The following PCDH15 variants were observed in gnomAD, a reference collection of about 807,000 sequenced individuals.
PCDH15 encodes the protein protocadherin-15.
PCDH15 carries 129 observed loss-of-function variants against 178.5 expected under a neutral mutation model. The observed-to-expected ratio is 0.72, with a 90% CI of 0.63 to 0.84. The LOEUF is 0.84. Among genes scored for constraint, PCDH15 ranks in the 40% least tolerant of loss-of-function variants. The probability of loss-of-function intolerance (pLI) is 0.00; values close to 1 mark genes in which losing one functional copy is unlikely to be tolerated. For synonymous variants in PCDH15, 800 were observed against 732.0 expected, an observed-to-expected ratio of 1.09 and a Z score of -1.50; for missense variants, 2,230 against 2,099.9, an observed-to-expected ratio of 1.06 and a Z score of -1.21.
At chr10:54,428,086 G>T (rs1352039864) in intron 3 of PCDH15, among the ~76,000 whole-genome samples, 1 of 152,194 alleles carries the variant, frequency 6.6e-6, no homozygotes, top group Non-Finnish European at 1.5e-5. Context: ...TCATCATCCA[G>T]ATCCCATCTT....
chr10:54,030,703 T>C (rs958446571), intron 18 of PCDH15, among the ~76,000 whole-genome samples: 1 of 152,050 alleles, frequency 6.6e-6, no homozygotes, highest in Non-Finnish European at 1.5e-5. Context: ...CTACATTTTA[T>C]CCTAGCATTC....
At chr10:54,532,088 C>G (rs1261930271) in intron 2 of PCDH15, among the ~76,000 whole-genome samples, 1 of 152,174 alleles carries the variant, frequency 6.6e-6, no homozygotes, top group African/African-American at 2.4e-5. Flanking sequence ...AATCTTGTCT[C>G]TTACCTAATC....
chr10:53,840,295 G>T (rs758974446), intron 29 of PCDH15, 25 bp downstream of exon 29: 1 of 1,609,028 alleles, frequency 6.2e-7, no homozygotes. Flanking sequence ...CCAAAGAGCT[G>T]TTACAGATAA....
At chr10:55,504,339 T>A (rs1368888882) in intron 2 of PCDH15, among the ~76,000 whole-genome samples, 1 of 151,422 alleles carries the variant, frequency 6.6e-6, no homozygotes, top group Non-Finnish European at 1.5e-5. Context: ...AAAAATAAAG[T>A]TAATTATTTG....
intron 1 of PCDH15, among the ~76,000 whole-genome samples, chr10:54,697,461 AT>A (rs2135893156): frequency 6.6e-6 from 1 of 151,130 alleles, no homozygotes; most frequent in East Asian, 1.9e-4. Context: ...TGTTAGACTT[AT>A]ATTTTGTTTT....
At chr10:54,729,278 C>T (rs1943008734) in intron 1 of PCDH15, among the ~76,000 whole-genome samples, 1 of 151,450 alleles carries the variant, frequency 6.6e-6, no homozygotes, top group Non-Finnish European at 1.5e-5. Flanking sequence ...CATTTATAAC[C>T]ATCTAATCTG....
intron 8 of PCDH15, among the ~76,000 whole-genome samples, chr10:54,274,000 T>C (rs1447385365): frequency 6.6e-6 from 1 of 151,976 alleles, no homozygotes; most frequent in East Asian, 1.9e-4. Context: ...GTGGATGTAG[T>C]TGGAGGCCAT....
chr10:55,291,300 T>C (rs749920129), intron 1 of PCDH15, among the ~76,000 whole-genome samples: 29 of 152,302 alleles, frequency 1.9e-4, no homozygotes, highest in Admixed American at 7.9e-4. Context: ...AAACATTTCA[T>C]CTCTGGTTTC....
intron 1 of PCDH15, among the ~76,000 whole-genome samples, chr10:54,671,014 T>A (rs918849591): frequency 6.6e-6 from 1 of 152,130 alleles, no homozygotes; most frequent in Admixed American, 6.5e-5. Flanking sequence ...CTCAGTCTTT[T>A]AGATAAATAC....
chr10:55,368,679 C>T (rs1467825357), intron 2 of PCDH15, among the ~76,000 whole-genome samples: 1 of 152,104 alleles, frequency 6.6e-6, no homozygotes, highest in Non-Finnish European at 1.5e-5. Context: ...CATATCTACA[C>T]AGTAAGACTT....
At chr10:54,218,817 G>A (rs1278562338) in intron 9 of PCDH15, among the ~76,000 whole-genome samples, 1 of 152,040 alleles carries the variant, frequency 6.6e-6, no homozygotes, top group African/African-American at 2.4e-5. Context: ...GGAAACATGG[G>A]ACAGAGTAAC....
At chr10:54,737,729 C>G (rs941753889) in intron 1 of PCDH15, among the ~76,000 whole-genome samples, 2 of 151,854 alleles carry the variant, frequency 1.3e-5, no homozygotes, top group Admixed American at 6.6e-5. Flanking sequence ...GAATCTATGG[C>G]AAATAAATAA....
chr10:54,861,862 T>C (rs552943156), intron 3 of PCDH15, among the ~76,000 whole-genome samples: 2 of 152,300 alleles, frequency 1.3e-5, no homozygotes, highest in African/African-American at 4.8e-5. Context: ...CAAATACTCT[T>C]TGTAGTTGCT....
At chr10:54,411,819 T>C (rs981819505) in intron 3 of PCDH15, among the ~76,000 whole-genome samples, 1 of 152,156 alleles carries the variant, frequency 6.6e-6, no homozygotes, top group Non-Finnish European at 1.5e-5. Flanking sequence ...ATACAACTTG[T>C]CAGAGAGACT....
intron 2 of PCDH15, among the ~76,000 whole-genome samples, chr10:55,336,957 A>C (rs2090226085): frequency 6.6e-6 from 1 of 152,124 alleles, no homozygotes. Flanking sequence ...TAGCAGCACC[A>C]TTGGCCTCTA....
intron 2 of PCDH15, among the ~76,000 whole-genome samples, chr10:54,987,230 G>T (rs1026462624): frequency 3.9e-5 from 6 of 152,168 alleles, no homozygotes. Context: ...ATTCCATGGG[G>T]TGTATGTGCC....
At chr10:54,524,118 T>G (rs1295619755) in intron 3 of PCDH15, among the ~76,000 whole-genome samples, 3 of 152,202 alleles carry the variant, frequency 2.0e-5, no homozygotes, top group Non-Finnish European at 4.4e-5. Flanking sequence ...TTTTAAAAAA[T>G]TATACAATCT....
intron 2 of PCDH15, among the ~76,000 whole-genome samples, chr10:55,004,467 C>G (rs1423649057): frequency 6.6e-6 from 1 of 152,146 alleles, no homozygotes; most frequent in African/African-American, 2.4e-5. Context: ...AATCAACCAC[C>G]AGGCCTCCAG....
chr10:54,694,964 C>A (rs1459735406), intron 1 of PCDH15, among the ~76,000 whole-genome samples: 2 of 147,506 alleles, frequency 1.4e-5, no homozygotes, highest in African/African-American at 5.0e-5. Context: ...CTTGTGAATG[C>A]AAAGGAAAAG....
Sources: gnomAD v4.1 joint callset for allele counts (sites outside exome capture counted in the v4.1 genomes callset) on GRCh38, gnomAD v4.1.1 for gene constraint, MANE v1.5 for transcripts, NCBI Gene and HGNC (gene_info 2026-07-23, HGNC 2026-07-21) for gene names.